The following N4BP2 variants were observed in gnomAD, a reference collection of about 807,000 sequenced individuals.
N4BP2 encodes the protein NEDD4-binding protein 2.
N4BP2 carries 91 observed loss-of-function variants against 152.8 expected under a neutral mutation model. The observed-to-expected ratio is 0.60, with a 90% CI of 0.50 to 0.71. The LOEUF (loss-of-function observed/expected upper bound fraction) is 0.71. Ranked by LOEUF, N4BP2 falls within the 30% of genes least tolerant of loss-of-function variation. The probability of loss-of-function intolerance (pLI) is 0.00; values close to 1 mark genes in which losing one functional copy is unlikely to be tolerated. For missense variants in N4BP2, 1,923 were observed against 2,059.1 expected (o/e 0.93, Z 1.28); for synonymous variants, 646 against 705.3 (o/e 0.92, Z 1.33).
rs1324626932 is a variant in N4BP2 at position 40,137,009 on chromosome 4, T to C, written c.4712T>C (p.Val1571Ala). 6.2e-7 allele frequency: 1 copy of C among 1,613,730 alleles called. No individual in the cohort carries two copies. Among genetic ancestry groups the C allele is most frequent in the Non-Finnish European group, 8.5e-7 (1 of 1,179,834 alleles). Residue 1571 changes from valine (V) to alanine (A), a missense_variant, in exon 14 of 18, where the codon GTT (valine) becomes GCT (alanine). Physicochemically the swap from Val to Ala is moderately conservative, Grantham distance 64. Transcript: ENST00000261435. The part of the protein sequence containing the change: ...CVLEGDPVKT[V>A]VAQEFVHQNE... Reference sequence around the variant, plus strand: ...CTTGAAGGGGACCCTGTAAAAACAGTTGTAGCCCAAGAGTTTGTTCACCAA... The same window carrying C: ...CTTGAAGGGGACCCTGTAAAAACAGCTGTAGCCCAAGAGTTTGTTCACCAA...
intron 4 of N4BP2, among the ~76,000 whole-genome samples, chr4:40,106,202 A>T (rs1456307310): frequency 6.6e-6 from 1 of 152,248 alleles, no homozygotes; most frequent in African/African-American, 2.4e-5. Context: ...ATATTAATTT[A>T]CATAAAGCAA....
intron 16 of N4BP2, among the ~76,000 whole-genome samples, chr4:40,148,640 A>AT: frequency 6.6e-6 from 1 of 152,138 alleles, no homozygotes; most frequent in African/African-American, 2.4e-5. Flanking sequence ...CTTTTAAAAA[A>AT]TTTTTAATTA....
At chr4:40,176,790 C>T in the N4BP2 span, among the ~76,000 whole-genome samples, 829 of 152,316 alleles carry the variant, frequency 5.4e-3, 3 homozygotes, top group Middle Eastern at 0.01. Context: ...GGTGGAGCCT[C>T]GGGAAGTTCA....
At chr4:40,142,637 T>G (rs1349675344) in intron 14 of N4BP2, 36 bp from the exon 15 acceptor site, 2 of 1,485,352 alleles carry the variant, frequency 1.3e-6, no homozygotes, top group Admixed American at 2.1e-5. Context: ...TTTTTTAACT[T>G]TCTGTGTGTG....
At chr4:40,119,196 A>G (rs1235881345) in intron 8 of N4BP2, among the ~76,000 whole-genome samples, 8 of 152,220 alleles carry the variant, frequency 5.3e-5, no homozygotes. Context: ...GAATTAGTAC[A>G]TGCAAGGGAC....
chr4:40,170,855 A>G, the N4BP2 span, among the ~76,000 whole-genome samples: 15 of 152,336 alleles, frequency 9.8e-5, no homozygotes, highest in African/African-American at 3.1e-4. Flanking sequence ...TGTATTTCAC[A>G]TATCCTCATT....
At chr4:40,153,082 C>A (rs1376520272) in intron 17 of N4BP2, among the ~76,000 whole-genome samples, 179 bp downstream of exon 17, 1 of 152,200 alleles carries the variant, frequency 6.6e-6, no homozygotes, top group African/African-American at 2.4e-5. Flanking sequence ...ATTTAATCAT[C>A]TGATTTCAGC....
Position 40,121,001 on chromosome 4 carries a change from C to T in N4BP2, c.2890C>T (p.Leu964=), listed in dbSNP as rs1717850422. 6.2e-7 allele frequency: 1 copy of T among 1,613,960 alleles called. No individual in the cohort carries two copies. The highest frequency in any genetic ancestry group is 2.2e-5 in the East Asian group (1 of 44,894). ...SEMTCESQTC[L]SKKSHGQHTS... ...AATGACCTGTGAGAGTCAGACTTGT[C>T]TAAGTAAAAAGAGTCATGGGCAACA... The change falls in exon 9 of 18, where the codon CTA becomes TTA. Residue 964 remains leucine, a synonymous_variant. Coordinates refer to ENST00000261435, the MANE Select transcript of N4BP2 (RefSeq NM_018177.6).
intron 2 of N4BP2, among the ~76,000 whole-genome samples, chr4:40,084,551 T>G (rs1713728214): frequency 6.6e-6 from 1 of 150,788 alleles, no homozygotes. Flanking sequence ...TCCTCCCGGC[T>G]CAGCCTGGCA....
rs763729712 is a variant in N4BP2 at position 40,103,177 on chromosome 4, T to G, written c.1332T>G (p.Leu444=). The G allele has an allele frequency of 4.3e-6, 7 of 1,612,994 alleles. No homozygotes were observed. In the South Asian group the frequency reaches 7.7e-5, roughly 18 times the overall value. ...CTTACGTTGGACTAGTTCTTGTTCT[T>G]CTCAGAGGTCTTCCGGGATCTGGAA... ...KTSYVGLVLV[L]LRGLPGSGKS... is the part of the protein sequence containing the mutation. The change falls in exon 4 of 18, where the codon CTT becomes CTG. Residue 444 remains leucine, a synonymous_variant. Transcript: ENST00000261435.
chr4:40,107,648 T>C (rs1312106764), intron 5 of N4BP2, among the ~76,000 whole-genome samples: 1 of 152,156 alleles, frequency 6.6e-6, no homozygotes, highest in South Asian at 2.1e-4. Flanking sequence ...CCTCCCAAAG[T>C]GCTGAGATTA....
At chr4:40,077,050 G>T (rs1176651727) in intron 2 of N4BP2, among the ~76,000 whole-genome samples, 3 of 151,768 alleles carry the variant, frequency 2.0e-5, no homozygotes, top group East Asian at 3.9e-4. Flanking sequence ...CTTTTTTGAT[G>T]GTCTTAAGGA....
chr4:40,167,374 C>G, the N4BP2 span: 1 of 152,082 alleles, frequency 6.6e-6, no homozygotes, highest in Non-Finnish European at 1.5e-5. Flanking sequence ...AGGCATACAC[C>G]TAAACATACT....
chr4:40,074,234 A>T (rs569757866), intron 2 of N4BP2, among the ~76,000 whole-genome samples: 1 of 151,930 alleles, frequency 6.6e-6, no homozygotes, highest in Admixed American at 6.6e-5. Flanking sequence ...GGGATTACAG[A>T]TGTGTGCCAC....
At chr4:40,141,131 G>A (rs1303237983) in intron 14 of N4BP2, among the ~76,000 whole-genome samples, 2 of 151,968 alleles carry the variant, frequency 1.3e-5, no homozygotes, top group Non-Finnish European at 2.9e-5. Context: ...AGTGGTGGCC[G>A]GGCAGAGGGG....
chr4:40,136,610 A>G (rs1719429876), intron 13 of N4BP2, among the ~76,000 whole-genome samples: 1 of 151,810 alleles, frequency 6.6e-6, no homozygotes, highest in Non-Finnish European at 1.5e-5. Flanking sequence ...TAGTCTCTTA[A>G]CTCCTGACCT....
the N4BP2 span, among the ~76,000 whole-genome samples, chr4:40,169,318 G>T: frequency 6.6e-6 from 1 of 150,462 alleles, no homozygotes; most frequent in Non-Finnish European, 1.5e-5. Flanking sequence ...GCGGGTGGAG[G>T]TTGCAGTGAG....
Position 40,121,059 on chromosome 4 carries a change from C to G in N4BP2, c.2948C>G (p.Ala983Gly). The change falls in exon 9 of 18, where the codon GCA becomes GGA. Residue 983 changes from alanine to glycine, a missense_variant. Ala to Gly is a moderately conservative substitution (Grantham distance 60). Transcript: ENST00000261435. Reference sequence around the variant, plus strand: ...TTGCCTCTTACTTTTACCAATAGTGCACCAACTGTTTCTGGAGTAGTAGAA... The same window carrying G: ...TTGCCTCTTACTTTTACCAATAGTGGACCAACTGTTTCTGGAGTAGTAGAA... ...TSLPLTFTNS[A>G]PTVSGVVEPQ... The G allele has an allele frequency of 6.2e-7, 1 of 1,614,006 alleles. No individual in the cohort carries two copies. Among genetic ancestry groups the G allele is most frequent in the Non-Finnish European group, 8.5e-7 (1 of 1,180,006 alleles).
At chr4:40,091,812 T>C (rs933814698) in intron 2 of N4BP2, among the ~76,000 whole-genome samples, 19 of 148,054 alleles carry the variant, frequency 1.3e-4, no homozygotes, top group African/African-American at 4.7e-4. Flanking sequence ...TCTCACTGTG[T>C]TGCCCAGGCT....
Sources: gnomAD v4.1 joint callset for allele counts (sites outside exome capture counted in the v4.1 genomes callset) on GRCh38, gnomAD v4.1.1 for gene constraint, MANE v1.5 for transcripts, NCBI Gene and HGNC (gene_info 2026-07-23, HGNC 2026-07-21) for gene names.